KCNAB2: variants seen among roughly 807,000 people sequenced by gnomAD.
KCNAB2 encodes potassium voltage-gated channel subfamily A regulatory beta subunit 2, also known as voltage-gated potassium channel subunit beta-2.
A neutral mutation model predicts 63.6 loss-of-function variants in KCNAB2; 29 were observed. The ratio of observed to expected loss-of-function variants is 0.46; its 90% CI spans 0.34 to 0.62. The LOEUF is 0.62. KCNAB2 is among the 20% of genes least tolerant of loss of function. The pLI is 0.01. For synonymous variants in KCNAB2, 222 were observed against 224.2 expected (o/e 0.99, Z 0.09); for missense variants, 359 against 563.9 (o/e 0.64, Z 3.68).
chr1:6,062,191 G>A (rs1335903316), intron 2 of KCNAB2, among the ~76,000 whole-genome samples: 16 of 152,112 alleles, frequency 1.1e-4, no homozygotes, highest in Admixed American at 1.0e-3. Flanking sequence ...GCACATGCCT[G>A]TAATCCCAGC....
chr1:6,084,809 C>CA (rs372066219), intron 5 of KCNAB2, among the ~76,000 whole-genome samples: 1,960 of 138,488 alleles, frequency 0.014, 35 homozygotes, highest in African/African-American at 0.039. Flanking sequence ...GACTCCATTT[C>CA]AAAAAAAAAA....
intron 1 of KCNAB2, among the ~76,000 whole-genome samples, chr1:6,026,716 T>C (rs966128873): frequency 6.6e-6 from 1 of 152,208 alleles, no homozygotes; most frequent in Non-Finnish European, 1.5e-5. Flanking sequence ...CCAGCAGAGA[T>C]GTCTGACGGC....
chr1:6,039,469 G>A (rs1323025452), intron 1 of KCNAB2, among the ~76,000 whole-genome samples: 1 of 152,146 alleles, frequency 6.6e-6, no homozygotes, highest in Non-Finnish European at 1.5e-5. Flanking sequence ...TCAGCCCAAG[G>A]GTGGCAGCCA....
intron 15 of KCNAB2, 119 bp downstream of exon 15, chr1:6,097,476 T>G (rs538987809): frequency 1.3e-6 from 2 of 1,516,854 alleles, no homozygotes; most frequent in Non-Finnish European, 1.8e-6. Flanking sequence ...GATGCGCCCG[T>G]GAACCATCAG....
At chr1:6,002,249 G>A (rs981336495) in intron 1 of KCNAB2, among the ~76,000 whole-genome samples, 2 of 152,250 alleles carry the variant, frequency 1.3e-5, no homozygotes, top group African/African-American at 4.8e-5. Context: ...GCCCAACGGA[G>A]GCCAACTGTG....
At chr1:6,089,083 C>T in intron 8 of KCNAB2, 32 bp downstream of exon 8, 1 of 1,544,254 alleles carries the variant, frequency 6.5e-7, no homozygotes, top group Admixed American at 2.0e-5. Flanking sequence ...TCAGGGCCCC[C>T]ATACCTGTGG....
chr1:6,045,993 A>G lies in KCNAB2; in HGVS notation c.-217A>G, dbSNP rs1431087341. ...CTTTCACTGAGATGAAAACGCCCTA[A>G]TAGAACTAATGGACTCGCTGCCTCA... On this transcript the variant is annotated 5_prime_UTR_variant, in exon 1 of 16. It removes the in-frame stop codon of an upstream open reading frame in the 5' UTR. Coordinates refer to ENST00000378083, the MANE Select transcript of KCNAB2 (RefSeq NM_001199862.2). This position sits in a 1 kb window ranked among gnomAD's most constrained non-coding sequence, Gnocchi z 4.8. The G allele has an allele frequency of 5.1e-6, 5 of 985,300 alleles. No individual in the cohort carries two copies. Among genetic ancestry groups the G allele is most frequent in the South Asian group, 4.7e-5 (1 of 21,284 alleles). 61.0% of individuals were successfully genotyped at this position (985,300 alleles called of 1,614,324 possible).
chr1:6,088,576 T>C (rs990913335), intron 7 of KCNAB2, among the ~76,000 whole-genome samples: 4 of 151,472 alleles, frequency 2.6e-5, no homozygotes, highest in Non-Finnish European at 4.4e-5. Context: ...AGATATGGGG[T>C]CTCACTATGT....
chr1:6,051,738 A>T lies in KCNAB2; in HGVS notation c.202A>T (p.Thr68Ser), dbSNP rs1570962922. 6.5e-6 allele frequency: 10 copies of T among 1,533,158 alleles called. No individual in the cohort carries two copies. Among genetic ancestry groups the T allele is most frequent in the African/African-American group, 2.7e-5 (2 of 73,094 alleles). The allele number at this position is 1,533,158 out of a possible 1,614,324, so 95.0% of individuals were successfully genotyped here. The change falls in exon 2 of 16, where the codon ACA becomes TCA. Residue 68 changes from threonine (T) to serine (S), a missense_variant. Coordinates refer to ENST00000378083, the MANE Select transcript of KCNAB2 (RefSeq NM_001199862.2). The part of the protein sequence containing the change: ...LSLDGCTAQR[T>S]GMKYRNLGKS... ...CCTGGACGGCTGCACCGCCCAGCGC[A>T]CAGGCATGAAGTATCGGTAAGGGCC... is the stretch of plus-strand genomic sequence containing the variant.
At chr1:6,016,564 A>G (rs1188585257) in intron 1 of KCNAB2, among the ~76,000 whole-genome samples, 9 of 152,256 alleles carry the variant, frequency 5.9e-5, no homozygotes, top group African/African-American at 2.2e-4. Context: ...TGTGCATAAC[A>G]TGTGACTGGA....
chr1:5,993,927 G>C (rs182535505), intron 1 of KCNAB2, among the ~76,000 whole-genome samples: 2 of 152,312 alleles, frequency 1.3e-5, no homozygotes, highest in East Asian at 3.9e-4. Flanking sequence ...CTGGTTGGGA[G>C]GGGGCTGAGG....
intron 1 of KCNAB2, among the ~76,000 whole-genome samples, chr1:6,001,403 A>G (rs1032358014): frequency 6.6e-5 from 10 of 151,942 alleles, no homozygotes; most frequent in Non-Finnish European, 2.9e-5. Flanking sequence ...CCAGGGCCGG[A>G]AGGTTCTGGC....
rs748099204 is a variant in KCNAB2 at position 6,074,198 on chromosome 1, G to C, written c.300+428G>C. On this transcript the variant is annotated intron_variant, in intron 4 of 15. Coordinates refer to ENST00000378083, the MANE Select transcript of KCNAB2 (RefSeq NM_001199862.2). The surrounding 1 kb of genome is among the most constrained non-coding windows in gnomAD (Gnocchi z 4.9). ...TCATTGGGAATGCAGCCCCTGCAGT[G>C]TCACAAGCTGAAGAACCTGAGATCT... Among the ~76,000 whole-genome samples, 9 of 152,244 alleles carry C rather than the reference G, an allele frequency of 5.9e-5. No homozygotes were observed. Among genetic ancestry groups the C allele is most frequent in the Non-Finnish European group, 1.2e-4 (8 of 68,042 alleles).
intron 1 of KCNAB2, among the ~76,000 whole-genome samples, chr1:6,015,310 G>C: frequency 6.6e-6 from 1 of 152,246 alleles, no homozygotes. Flanking sequence ...GATTACAGGC[G>C]TGAGCCCCTG....
At chr1:6,008,152 G>C (rs116509664) in intron 1 of KCNAB2, among the ~76,000 whole-genome samples, 1,750 of 152,272 alleles carry the variant, frequency 0.011, 31 homozygotes, top group African/African-American at 0.039. Context: ...TCCATGTTGC[G>C]AAGGGCAGGG....
intron 2 of KCNAB2, among the ~76,000 whole-genome samples, chr1:6,066,350 G>A (rs1029361076): frequency 1.5e-4 from 23 of 152,170 alleles, no homozygotes; most frequent in Non-Finnish European, 8.8e-5. Context: ...CCTCACTTTC[G>A]AGAGCGCATA....
At chr1:6,020,501 G>A (rs866368050) in intron 1 of KCNAB2, among the ~76,000 whole-genome samples, 7 of 152,134 alleles carry the variant, frequency 4.6e-5, no homozygotes, top group Middle Eastern at 6.8e-3. Context: ...CCAGGATCGC[G>A]TCCCTTTCCA....
intron 2 of KCNAB2, among the ~76,000 whole-genome samples, chr1:6,052,486 C>A (rs183064545): frequency 4.0e-5 from 6 of 151,372 alleles, no homozygotes; most frequent in Non-Finnish European, 7.4e-5. Context: ...GGGTGTGTTT[C>A]TCCATGGGGA....
rs545115182 is a variant in KCNAB2, at chr1:6,093,609, AG to A, written c.647-788del. ...GCCGTCCACGATTCAGGTTGTTCCC[AG>A]GGCTCATGGAGCCTCAAAACTGTCC... On this transcript the variant is annotated intron_variant, in intron 10 of 15. Transcript: ENST00000378083. Among the ~76,000 whole-genome samples the A allele has an allele frequency of 5.7e-3, 875 of 152,326 alleles. 1 individual carries two copies. Among genetic ancestry groups the A allele is most frequent in the Non-Finnish European group, 7.2e-3 (488 of 68,028 alleles).
Sources: gnomAD v4.1 joint callset for allele counts (sites outside exome capture counted in the v4.1 genomes callset) on GRCh38, gnomAD v4.1.1 for gene constraint, Gnocchi (gnomAD v3.1) non-coding constraint, MANE v1.5 for transcripts, NCBI Gene and HGNC (gene_info 2026-07-23, HGNC 2026-07-21) for gene names.